Variants in MINAR1 observed in about 807,000 individuals in gnomAD.
MINAR1 encodes major intrinsically disordered Notch2-binding receptor 1.
A neutral mutation model predicts 65.1 loss-of-function variants in MINAR1; 40 were observed. The ratio of observed to expected loss-of-function variants is 0.61; its 90% CI spans 0.48 to 0.80. The LOEUF is 0.80. Ranked by LOEUF, MINAR1 falls within the 30% of genes least tolerant of loss-of-function variation. The pLI, the probability that MINAR1 is intolerant of heterozygous loss-of-function variation, is 0.00. For missense variants in MINAR1, 1,128 were observed against 1,148.0 expected (o/e 0.98, Z 0.25); for synonymous variants, 482 against 449.1 (o/e 1.07, Z -0.93).
At chr15:79,446,320 A>G in intron 1 of MINAR1, among the ~76,000 whole-genome samples, 1 of 152,154 alleles carries the variant, frequency 6.6e-6, no homozygotes, top group East Asian at 1.9e-4. Context: ...TTGATACATG[A>G]TTAGAATTAA....
At chr15:79,411,520 G>C in the MINAR1 span, 1 of 701,542 alleles carries the variant, frequency 1.4e-6, no homozygotes, top group Non-Finnish European at 2.6e-6. Flanking sequence ...TTTCAGCGGG[G>C]AGGCACTGAG....
chr15:79,412,270 G>A, the MINAR1 span: 9 of 152,202 alleles, frequency 5.9e-5, no homozygotes, highest in East Asian at 1.8e-3. Flanking sequence ...TCTCTGCCCT[G>A]CCAGTGTGCA....
At chr15:79,446,593 A>G (rs1241234144) in intron 1 of MINAR1, among the ~76,000 whole-genome samples, 1 of 151,746 alleles carries the variant, frequency 6.6e-6, no homozygotes, top group African/African-American at 2.4e-5. Context: ...AGGTAATTCA[A>G]TTTTTTAGGC....
rs372146268 is a variant in MINAR1, at chr15:79,456,644, G to A, written c.497G>A (p.Cys166Tyr). Residue 166 changes from cysteine to tyrosine, a missense_variant, in exon 2 of 4, where the codon TGC becomes TAC. Transcript: ENST00000305428. Reference protein sequence around the residue: ...SKCRKMDCKDCPQFVPASEPN... With the variant: ...SKCRKMDCKDYPQFVPASEPN... Reference sequence around the variant, plus strand: ...TGCCGGAAGATGGACTGCAAGGACTGCCCACAGTTTGTCCCTGCCTCTGAG... The same window carrying A: ...TGCCGGAAGATGGACTGCAAGGACTACCCACAGTTTGTCCCTGCCTCTGAG... 1 of 1,614,186 alleles carries A rather than the reference G, an allele frequency of 6.2e-7. No individual in the cohort carries two copies. Among genetic ancestry groups the A allele is most frequent in the African/African-American group, 1.3e-5 (1 of 75,050 alleles).
chr15:79,411,889 G>A, the MINAR1 span: 1 of 190,140 alleles, frequency 5.3e-6, no homozygotes, highest in African/African-American at 2.3e-5. Flanking sequence ...TAACCCTAGG[G>A]GGACTGTTGA....
intron 3 of MINAR1, among the ~76,000 whole-genome samples, chr15:79,466,099 G>C (rs1895842823): frequency 6.6e-6 from 1 of 151,648 alleles, no homozygotes; most frequent in Non-Finnish European, 1.5e-5. Context: ...TGCACAATAG[G>C]GACTTTTCCC....
At chr15:79,436,783 C>T (rs998601831) in intron 1 of MINAR1, among the ~76,000 whole-genome samples, 2 of 152,328 alleles carry the variant, frequency 1.3e-5, no homozygotes, top group Middle Eastern at 3.4e-3. Flanking sequence ...GAGCATTGTT[C>T]CATGCCCTTA....
intron 1 of MINAR1, among the ~76,000 whole-genome samples, chr15:79,450,379 G>T (rs746760111): frequency 2.0e-5 from 3 of 152,142 alleles, no homozygotes; most frequent in Non-Finnish European, 4.4e-5. Context: ...GGACACATAA[G>T]GCAGACGCAC....
At chr15:79,466,270 CTCTT>C (rs1192557351) in intron 3 of MINAR1, among the ~76,000 whole-genome samples, 2 of 152,202 alleles carry the variant, frequency 1.3e-5, no homozygotes, top group Non-Finnish European at 2.9e-5. Context: ...AGATCCCCTT[CTCTT>C]TCCATTGTAG....
the MINAR1 span, chr15:79,414,532 G>A: frequency 7.9e-5 from 12 of 152,264 alleles, no homozygotes; most frequent in Admixed American, 7.2e-4. Flanking sequence ...CAAACCGGGG[G>A]AGAAGCTAAG....
the MINAR1 span, chr15:79,413,308 G>A: frequency 6.6e-6 from 1 of 152,338 alleles, no homozygotes; most frequent in East Asian, 1.9e-4. Flanking sequence ...GCACTGGCAG[G>A]TCAATCGTTT....
At chr15:79,444,676 T>C (rs1323220245) in intron 1 of MINAR1, among the ~76,000 whole-genome samples, 3 of 152,120 alleles carry the variant, frequency 2.0e-5, no homozygotes, top group Non-Finnish European at 2.9e-5. Flanking sequence ...TGATTAGTTT[T>C]TTGACCTATG....
At chr15:79,416,835 A>C in the MINAR1 span, 1 of 152,144 alleles carries the variant, frequency 6.6e-6, no homozygotes. Flanking sequence ...ATTGACTCCC[A>C]ATCAGCATAT....
rs753647628 is a variant in MINAR1, at chr15:79,456,611, C to T, written c.464C>T (p.Ser155Leu). 14 of 1,614,060 alleles carry T rather than the reference C, an allele frequency of 8.7e-6. No homozygotes were observed. In the South Asian group the frequency reaches 9.9e-5, roughly 11 times the overall value. Residue 155 changes from serine to leucine, a missense_variant, in exon 2 of 4, where the codon TCG becomes TTG. Ser to Leu is a moderately radical substitution (Grantham distance 145). Transcript: ENST00000305428. Reference sequence around the variant, plus strand: ...AGCCGGGGCTACCCCATCAGGCAGTCGTCCAAGTGCCGGAAGATGGACTGC... The same window carrying T: ...AGCCGGGGCTACCCCATCAGGCAGTTGTCCAAGTGCCGGAAGATGGACTGC... The part of the protein sequence containing the change: ...SFSRGYPIRQ[S>L]SKCRKMDCKD...
chr15:79,470,303 C>G lies in MINAR1; in HGVS notation c.*1919C>G, dbSNP rs1407918469. ...ACTAGGTTACCACTCTGGGCATTGC[C>G]TTTCCACCTAACCCCTCAACCAGTA... On this transcript the variant is annotated 3_prime_UTR_variant, in exon 4 of 4. Transcript: ENST00000305428. 1 of 152,460 alleles carries G rather than the reference C, an allele frequency of 6.6e-6. No homozygotes were observed. The highest frequency in any genetic ancestry group is 1.5e-5 in the Non-Finnish European group (1 of 68,028). 9.4% of individuals were successfully genotyped at this position (152,460 alleles called of 1,614,324 possible). A position where few individuals can be genotyped will look rare whatever the true frequency, so the allele number is the denominator to read the frequency against.
At chr15:79,458,710 G>A (rs137883035) in intron 2 of MINAR1, among the ~76,000 whole-genome samples, 2 of 152,204 alleles carry the variant, frequency 1.3e-5, no homozygotes, top group East Asian at 1.9e-4. Context: ...TCATTAGACA[G>A]GTGGTGTGAG....
the MINAR1 span, chr15:79,418,233 T>G: frequency 3.9e-5 from 6 of 152,158 alleles, no homozygotes; most frequent in Non-Finnish European, 8.8e-5. Context: ...AGAGAGAAAT[T>G]TAAAGATCAT....
At chr15:79,413,733 C>T in the MINAR1 span, 1 of 152,144 alleles carries the variant, frequency 6.6e-6, no homozygotes, top group Admixed American at 6.5e-5. Context: ...ATCTGTGAGT[C>T]CTGGTTGGAC....
intron 1 of MINAR1, among the ~76,000 whole-genome samples, chr15:79,451,768 G>T (rs1168144476): frequency 6.6e-6 from 1 of 150,884 alleles, no homozygotes; most frequent in African/African-American, 2.5e-5. Context: ...ACATGGGGGT[G>T]GGGGTGACAG....
Sources: gnomAD v4.1 joint callset for allele counts (sites outside exome capture counted in the v4.1 genomes callset) on GRCh38, gnomAD v4.1.1 for gene constraint, MANE v1.5 for transcripts, NCBI Gene and HGNC (gene_info 2026-07-23, HGNC 2026-07-21) for gene names.